NAV2: variants seen among roughly 807,000 people sequenced by gnomAD.
NAV2 encodes the protein neuron navigator 2, also known as helicase, APC down-regulated 1.
A neutral mutation model predicts 223.2 loss-of-function variants in NAV2; 54 were observed. The observed-to-expected ratio is 0.24, with a 90% confidence interval of 0.19 to 0.30. The LOEUF is 0.30. Ranked by LOEUF, NAV2 falls within the 10% of genes least tolerant of loss-of-function variation. The pLI, the probability that NAV2 is intolerant of heterozygous loss-of-function variation, is 1.00. For synonymous variants in NAV2, 1,279 were observed against 1,239.3 expected (o/e 1.03, Z -0.67); for missense variants, 2,806 against 3,147.5 (o/e 0.89, Z 2.60).
chr11:19,635,918 A>AG (rs1179005167), intron 1 of NAV2, among the ~76,000 whole-genome samples: 3 of 152,318 alleles, frequency 2.0e-5, no homozygotes, highest in East Asian at 1.9e-4. Context: ...TGGAAGGAAG[A>AG]GGGGGGTGTT....
intron 1 of NAV2, among the ~76,000 whole-genome samples, chr11:19,452,809 T>G (rs1340498181): frequency 6.6e-6 from 1 of 152,258 alleles, no homozygotes; most frequent in South Asian, 2.1e-4. Context: ...GAATGTGTAT[T>G]GCTTTTGTAC....
intron 6 of NAV2, among the ~76,000 whole-genome samples, chr11:19,903,268 T>C (rs530186028): frequency 1.3e-4 from 20 of 152,326 alleles, no homozygotes; most frequent in African/African-American, 3.8e-4. Flanking sequence ...GAGTGACACA[T>C]GGGCCATTTG....
intron 13 of NAV2, 66 bp downstream of exon 13, chr11:20,044,338 T>A: frequency 1.4e-6 from 2 of 1,380,446 alleles, no homozygotes; most frequent in Non-Finnish European, 2.0e-6. Context: ...TAGTTAACTC[T>A]AGCAAGGACT....
chr11:19,819,412 G>A (rs2059263613), intron 1 of NAV2, among the ~76,000 whole-genome samples: 1 of 152,204 alleles, frequency 6.6e-6, no homozygotes, highest in South Asian at 2.1e-4. Flanking sequence ...AAGGCACAGA[G>A]GCTGGGGAGC....
At chr11:19,391,080 C>A (rs1483575311) in intron 1 of NAV2, among the ~76,000 whole-genome samples, 1 of 152,154 alleles carries the variant, frequency 6.6e-6, no homozygotes, top group African/African-American at 2.4e-5. Context: ...AGGGGCCCAG[C>A]ATTTCATGGG....
intron 1 of NAV2, among the ~76,000 whole-genome samples, chr11:19,568,973 T>G (rs2045350821): frequency 6.6e-6 from 1 of 152,222 alleles, no homozygotes; most frequent in African/African-American, 2.4e-5. Flanking sequence ...ACCCAGCATA[T>G]GCTTTTCAGG....
At position 19,880,177 on chromosome 11, in the gene NAV2, C is replaced by T. The variant is rs778234705; in HGVS notation, c.770+50C>T. On this transcript the variant is annotated intron_variant, in intron 5 of 37. Transcript: ENST00000349880. ...GTTCTGTTTTTCAGGCACCTTCCTC[C>T]ACCCCAACCAATCTCTAGGCTATCC... The T allele has an allele frequency of 3.3e-6, 5 of 1,499,774 alleles. No homozygotes were observed. In the Admixed American group the frequency reaches 7.0e-5, roughly 21 times the overall value. The allele number at this position is 1,499,774 out of a possible 1,614,324, so 92.9% of individuals were successfully genotyped here.
rs1295600807 is a variant in NAV2, at chr11:19,713,811, T to C, written c.116T>C (p.Leu39Pro). The C allele has an allele frequency of 1.2e-6, 2 of 1,613,040 alleles. No individual in the cohort carries two copies. Among genetic ancestry groups the C allele is most frequent in the Admixed American group, 3.3e-5 (2 of 59,996 alleles). Residue 39 changes from leucine (L) to proline (P), a missense_variant, in exon 1 of 38, where the codon CTG (leucine) becomes CCG (proline). Around this residue, in one of 4 missense-constraint regions of NAV2, gnomAD observed 1,167 missense variants for 1,180.5 expected, o/e 0.99. Coordinates refer to ENST00000349880, the MANE Select transcript of NAV2 (RefSeq NM_145117.5). This position sits in a 1 kb window ranked among gnomAD's most constrained non-coding sequence, Gnocchi z 7.2. ...PARAGPQPCY[L>P]KLGSKVEVSK... is the part of the protein sequence containing the mutation. ...CGGGCGGGCCCCCAGCCCTGCTACC[T>C]GAAGTTGGGAAGCAAGGTGGAGGTG...
intron 10 of NAV2, among the ~76,000 whole-genome samples, chr11:19,962,539 C>G (rs777033761): frequency 2.0e-5 from 3 of 152,142 alleles, no homozygotes; most frequent in Admixed American, 6.5e-5. Context: ...TGCAAGGGCT[C>G]AAAGCTAACG....
intron 3 of NAV2, among the ~76,000 whole-genome samples, chr11:19,844,237 G>T (rs1438813075): frequency 6.6e-5 from 10 of 152,138 alleles, no homozygotes; most frequent in Admixed American, 3.9e-4. Flanking sequence ...TTTAGTGCAG[G>T]CATGCTGCAC....
chr11:19,471,569 G>T (rs981059237), intron 1 of NAV2, among the ~76,000 whole-genome samples: 1 of 152,106 alleles, frequency 6.6e-6, no homozygotes, highest in Non-Finnish European at 1.5e-5. Context: ...GGGTAAGTGG[G>T]GTTAGGCAGC....
chr11:19,540,698 T>A (rs1353831630), intron 1 of NAV2, among the ~76,000 whole-genome samples: 1 of 152,160 alleles, frequency 6.6e-6, no homozygotes, highest in Non-Finnish European at 1.5e-5. Context: ...CCTGACCCAA[T>A]CCCTTTCTTG....
At chr11:19,560,407 G>A (rs1307746977) in intron 1 of NAV2, among the ~76,000 whole-genome samples, 1 of 152,154 alleles carries the variant, frequency 6.6e-6, no homozygotes, top group Non-Finnish European at 1.5e-5. Context: ...TCTGCTACTT[G>A]CCAGCTGTGT....
intron 14 of NAV2, among the ~76,000 whole-genome samples, chr11:20,046,601 C>CACACAT (rs941182153): frequency 8.3e-6 from 1 of 120,448 alleles, no homozygotes; most frequent in African/African-American, 3.0e-5. Context: ...CCCCATCACA[C>CACACAT]ACACACACAC....
intron 1 of NAV2, among the ~76,000 whole-genome samples, chr11:19,745,401 T>C (rs539112148): frequency 5.9e-5 from 9 of 152,334 alleles, no homozygotes; most frequent in African/African-American, 2.2e-4. Context: ...TAAAACTATC[T>C]TGGCTCCTAA....
chr11:19,733,957 G>T (rs2052044420), intron 1 of NAV2, among the ~76,000 whole-genome samples: 1 of 152,146 alleles, frequency 6.6e-6, no homozygotes, highest in South Asian at 2.1e-4. Context: ...CTTGTTTAAT[G>T]CTCACAACAA....
At chr11:20,011,751 T>C (rs1565761854) in intron 11 of NAV2, among the ~76,000 whole-genome samples, 1 of 152,260 alleles carries the variant, frequency 6.6e-6, no homozygotes, top group Non-Finnish European at 1.5e-5. Flanking sequence ...GCATTTTTCT[T>C]TATCAGGATT....
chr11:19,421,529 T>G (rs1281306336), intron 1 of NAV2, among the ~76,000 whole-genome samples: 1 of 152,232 alleles, frequency 6.6e-6, no homozygotes, highest in Non-Finnish European at 1.5e-5. Flanking sequence ...CACTAAACCC[T>G]TGATATTATG....
At chr11:19,608,667 C>A (rs546236929) in intron 1 of NAV2, among the ~76,000 whole-genome samples, 6 of 152,246 alleles carry the variant, frequency 3.9e-5, no homozygotes, top group Non-Finnish European at 8.8e-5. Context: ...CATTAGGAAA[C>A]GGAAATACTC....
Sources: allele counts gnomAD v4.1 joint callset (sites outside exome capture counted in the v4.1 genomes callset), GRCh38; gene constraint gnomAD v4.1.1; regional missense constraint gnomAD v4.1.1; non-coding constraint Gnocchi (gnomAD v3.1); transcripts MANE v1.5; gene names NCBI Gene and HGNC (gene_info 2026-07-23, HGNC 2026-07-21).